CTNNA2: variants seen among roughly 807,000 people sequenced by gnomAD.
CTNNA2 encodes catenin alpha 2, also known as catenin alpha-2.
In CTNNA2, 42 loss-of-function variants were observed where a neutral mutation model predicts 101.0. The ratio of observed to expected loss-of-function variants is 0.42; its 90% CI spans 0.32 to 0.54. CTNNA2 has a LOEUF of 0.54. Among genes scored for constraint, CTNNA2 ranks in the 20% least tolerant of loss-of-function variants. The pLI, the probability that CTNNA2 is intolerant of heterozygous loss-of-function variation, is 0.14. For synonymous variants in CTNNA2, 450 were observed against 456.4 expected, an observed-to-expected ratio of 0.99 and a Z score of 0.18; for missense variants, 871 against 1,223.1, an observed-to-expected ratio of 0.71 and a Z score of 4.29.
chr2:79,248,580 G>A (rs995422392), intron 2 of CTNNA2, among the ~76,000 whole-genome samples: 2 of 152,064 alleles, frequency 1.3e-5, no homozygotes, highest in Admixed American at 6.6e-5. Context: ...GTTTGGTAGT[G>A]GTCCTGCCCC....
At chr2:79,523,119 C>A (rs1672209543) in intron 1 of CTNNA2, 2 of 301,196 alleles carry the variant, frequency 6.6e-6, no homozygotes, top group South Asian at 3.1e-5. Context: ...CGTTTCCTGC[C>A]ATAATAAAAA....
intron 7 of CTNNA2, among the ~76,000 whole-genome samples, chr2:80,199,440 A>G (rs1707062185): frequency 6.6e-6 from 1 of 152,276 alleles, no homozygotes; most frequent in South Asian, 2.1e-4. Context: ...CACCATTTCT[A>G]AGATCATCTC....
At chr2:79,432,852 T>C (rs1040888203) in intron 4 of CTNNA2, among the ~76,000 whole-genome samples, 5 of 152,222 alleles carry the variant, frequency 3.3e-5, no homozygotes, top group African/African-American at 9.7e-5. Flanking sequence ...TAACAAAGGC[T>C]CTCTTTTGAC....
chr2:80,134,162 A>G (rs947952432), intron 7 of CTNNA2, among the ~76,000 whole-genome samples: 16 of 152,174 alleles, frequency 1.1e-4, no homozygotes, highest in Admixed American at 7.2e-4. Flanking sequence ...TCACCCAACA[A>G]TCATTACTAA....
chr2:79,943,809 G>A (rs1231351562), intron 7 of CTNNA2, among the ~76,000 whole-genome samples: 3 of 152,224 alleles, frequency 2.0e-5, no homozygotes, highest in East Asian at 3.9e-4. Flanking sequence ...GGCATGGGAA[G>A]ATCCTAAACA....
chr2:79,330,667 G>C (rs1176407170), intron 3 of CTNNA2, among the ~76,000 whole-genome samples: 1 of 152,152 alleles, frequency 6.6e-6, no homozygotes, highest in Admixed American at 6.5e-5. Context: ...AGACTTTCCT[G>C]TGCTGTTCGC....
chr2:79,473,276 A>T (rs1398157885), intron 4 of CTNNA2, among the ~76,000 whole-genome samples: 1 of 152,162 alleles, frequency 6.6e-6, no homozygotes, highest in Non-Finnish European at 1.5e-5. Flanking sequence ...TTCCACATTT[A>T]AAATTATTTA....
chr2:80,527,640 C>G (rs1016579875), intron 9 of CTNNA2, among the ~76,000 whole-genome samples: 3 of 152,114 alleles, frequency 2.0e-5, no homozygotes, highest in African/African-American at 4.8e-5. Flanking sequence ...CCAGGTGATT[C>G]TTATGATGGG....
chr2:80,326,009 G>A (rs1335719169), intron 7 of CTNNA2, among the ~76,000 whole-genome samples: 1 of 152,120 alleles, frequency 6.6e-6, no homozygotes, highest in African/African-American at 2.4e-5. Context: ...CATGCATTTG[G>A]TCATGTTACA....
At chr2:79,589,827 G>A (rs1676733052) in intron 1 of CTNNA2, among the ~76,000 whole-genome samples, 1 of 151,662 alleles carries the variant, frequency 6.6e-6, no homozygotes, top group South Asian at 2.1e-4. Context: ...ATCGCACCAA[G>A]CTACAGGTGT....
intron 7 of CTNNA2, among the ~76,000 whole-genome samples, chr2:79,961,348 A>G (rs1478613622): frequency 6.6e-6 from 1 of 152,060 alleles, no homozygotes; most frequent in Non-Finnish European, 1.5e-5. Flanking sequence ...CCAGCACTCT[A>G]TCACTCTATC....
chr2:80,313,455 C>T (rs1394732052), intron 7 of CTNNA2: 1 of 1,509,896 alleles, frequency 6.6e-7, no homozygotes, highest in Non-Finnish European at 8.9e-7. Context: ...AGTAACAAAC[C>T]AATATTATTC....
chr2:79,565,345 G>A (rs1172548090), intron 1 of CTNNA2, among the ~76,000 whole-genome samples: 1 of 152,050 alleles, frequency 6.6e-6, no homozygotes, highest in Non-Finnish European at 1.5e-5. Context: ...TCCAGGAAGA[G>A]GAGGGGCCAG....
intron 7 of CTNNA2, among the ~76,000 whole-genome samples, chr2:80,216,413 A>C (rs750617788): frequency 1.3e-5 from 2 of 152,318 alleles, no homozygotes; most frequent in South Asian, 4.1e-4. Flanking sequence ...GAAAATAACA[A>C]TAATAATAAT....
At chr2:79,187,455 T>G (rs1673796621) in intron 1 of CTNNA2, among the ~76,000 whole-genome samples, 1 of 151,806 alleles carries the variant, frequency 6.6e-6, no homozygotes, top group South Asian at 2.1e-4. Context: ...AGGACGCTTA[T>G]TTTTAAGTTT....
rs73941138 is a variant in CTNNA2, at chr2:80,466,300, A to G, written c.1290+46699A>G. ...GAGAAAAAAGGAGATGTACTGATGC[A>G]AAAGCGTGCCTGTTTCTCAAGCAGC... On this transcript the variant is annotated intron_variant, in intron 9 of 18. Coordinates refer to ENST00000402739, the MANE Select transcript of CTNNA2 (RefSeq NM_001282597.3). 2.4e-3 allele frequency among the ~76,000 whole-genome samples: 364 copies of G among 152,280 alleles called. 2 individuals carry two copies. The highest frequency in any genetic ancestry group is 8.1e-3 in the African/African-American group (338 of 41,558).
chr2:79,915,508 C>T (rs1476157216), intron 7 of CTNNA2, among the ~76,000 whole-genome samples: 1 of 152,036 alleles, frequency 6.6e-6, no homozygotes, highest in African/African-American at 2.4e-5. Context: ...CATTTAGAAG[C>T]AATTCATTTT....
Position 80,545,086 on chromosome 2 carries a change from T to A in CTNNA2, c.1383+12T>A. On this transcript the variant is annotated intron_variant, in intron 10 of 18. Transcript: ENST00000402739. The stretch of plus-strand genomic sequence containing the variant: ...GCCTGTGTCCCCAGGTAAGCCTCAT[T>A]CACTTTGTTTCAAAAGCCTGTCAGT... The A allele has an allele frequency of 6.2e-7, 1 of 1,612,920 alleles. No individual in the cohort carries two copies. Among genetic ancestry groups the A allele is most frequent in the Non-Finnish European group, 8.5e-7 (1 of 1,179,434 alleles).
intron 9 of CTNNA2, 129 bp from the exon 10 acceptor site, chr2:80,544,853 G>A (rs1691900771): frequency 6.9e-6 from 5 of 722,140 alleles, no homozygotes; most frequent in Non-Finnish European, 1.1e-5. Context: ...TGAAGGCCAG[G>A]GTACCCTTAT....
Sources: allele counts gnomAD v4.1 joint callset (sites outside exome capture counted in the v4.1 genomes callset), GRCh38; gene constraint gnomAD v4.1.1; transcripts MANE v1.5; gene names NCBI Gene and HGNC (gene_info 2026-07-23, HGNC 2026-07-21).